Variants in GNG2 observed in about 807,000 individuals in gnomAD.
The protein encoded by GNG2 is G protein subunit gamma 2, also known as guanine nucleotide-binding protein G(I)/G(S)/G(O) subunit gamma-2.
GNG2 carries 5 observed loss-of-function variants against 5.5 expected under a neutral mutation model. The ratio of observed to expected loss-of-function variants is 0.91; its 90% CI spans 0.48 to 1.92. The LOEUF is 1.92. Ranked by LOEUF, GNG2 falls within the 30% of genes most tolerant of loss-of-function variation. The pLI is 0.01. For missense variants in GNG2, 55 were observed against 88.4 expected (o/e 0.62, Z 1.52); for synonymous variants, 28 against 32.0 (o/e 0.88, Z 0.42).
intron 1 of GNG2, among the ~76,000 whole-genome samples, chr14:51,875,939 A>ATTTTTTTTT: frequency 1.2e-5 from 1 of 83,642 alleles, no homozygotes; most frequent in African/African-American, 5.6e-5. Flanking sequence ...TCATTTAAAC[A>ATTTTTTTTT]TTTTTTTCTT....
intron 3 of GNG2, among the ~76,000 whole-genome samples, chr14:51,964,873 C>T (rs529747640): frequency 2.3e-4 from 35 of 152,272 alleles, no homozygotes; most frequent in African/African-American, 7.2e-4. Flanking sequence ...GTGGCATGCA[C>T]CTGTAGTCCC....
chr14:51,887,399 C>A (rs1005377329), intron 2 of GNG2, among the ~76,000 whole-genome samples: 44 of 152,176 alleles, frequency 2.9e-4, no homozygotes, highest in African/African-American at 8.9e-4. Context: ...ATTTTCATTT[C>A]TTTGACCCAG....
chr14:51,968,373 AAAAG>A lies in GNG2; in HGVS notation c.*1687_*1690del, dbSNP rs1890042639. 6.6e-6 allele frequency: 1 copy of A among 152,052 alleles called. No individual in the cohort carries two copies. Among genetic ancestry groups the A allele is most frequent in the South Asian group, 2.1e-4 (1 of 4,826 alleles). The allele number at this position is 152,052 out of a possible 1,614,324, so 9.4% of individuals were successfully genotyped here. On this transcript the variant is annotated 3_prime_UTR_variant, in exon 4 of 4. Transcript: ENST00000556766. The stretch of plus-strand genomic sequence containing the variant: ...CTTTCTCCTGTTTTTTTTTTAAAAA[AAAAG>A]CATGAAAAAGGAAGAGAAAAAGTTT...
intron 1 of GNG2, among the ~76,000 whole-genome samples, chr14:51,861,584 C>A (rs1032315797): frequency 6.6e-6 from 1 of 152,174 alleles, no homozygotes; most frequent in Non-Finnish European, 1.5e-5. Context: ...TGTTTCCTTA[C>A]GCGAATATCT....
At chr14:51,945,771 C>T (rs1888607742) in intron 2 of GNG2, among the ~76,000 whole-genome samples, 1 of 127,892 alleles carries the variant, frequency 7.8e-6, no homozygotes, top group Non-Finnish European at 1.7e-5. Context: ...GGGGTGTGTG[C>T]ATGTATGTGT....
intron 2 of GNG2, among the ~76,000 whole-genome samples, chr14:51,844,491 G>T (rs1881569297): frequency 6.6e-6 from 1 of 152,168 alleles, no homozygotes; most frequent in Admixed American, 6.5e-5. Context: ...AGTTGCTGGT[G>T]ACTCTGCTGT....
chr14:51,958,415 T>A lies in GNG2; in HGVS notation c.87+7650T>A, dbSNP rs559340092. On this transcript the variant is annotated intron_variant, in intron 3 of 3. Coordinates refer to ENST00000556766, the MANE Select transcript of GNG2 (RefSeq NM_053064.5). ...AGAGCTAGATAATACAGTCATACAATCAGTCTGTCTCTCTCTCTTCCGTTC... is the reference window on the plus strand; with the variant it reads ...AGAGCTAGATAATACAGTCATACAAACAGTCTGTCTCTCTCTCTTCCGTTC... 3.3e-4 allele frequency among the ~76,000 whole-genome samples: 46 copies of A among 140,944 alleles called. No homozygotes were observed. The East Asian group carries it at 8.8e-3, about 27-fold the overall frequency. The allele number at this position is 140,944 out of a possible 152,430, so 92.5% of individuals were successfully genotyped here.
At chr14:51,891,603 T>G (rs1167545476) in intron 2 of GNG2, among the ~76,000 whole-genome samples, 1 of 152,244 alleles carries the variant, frequency 6.6e-6, no homozygotes, top group Middle Eastern at 3.2e-3. Context: ...TCTGGACATT[T>G]TATTTATCAC....
chr14:51,872,067 A>T (rs1375313958), intron 1 of GNG2, among the ~76,000 whole-genome samples: 1 of 152,198 alleles, frequency 6.6e-6, no homozygotes, highest in Non-Finnish European at 1.5e-5. Flanking sequence ...CTGCACTCTT[A>T]AGCCTGGGTC....
chr14:51,846,348 C>A (rs1467263392), intron 2 of GNG2, among the ~76,000 whole-genome samples: 1 of 151,984 alleles, frequency 6.6e-6, no homozygotes, highest in East Asian at 1.9e-4. Context: ...GTTATGAAAA[C>A]CATATAAACC....
intron 2 of GNG2, among the ~76,000 whole-genome samples, chr14:51,899,686 C>A (rs994384136): frequency 5.3e-5 from 8 of 152,210 alleles, no homozygotes; most frequent in African/African-American, 1.7e-4. Context: ...GCCCTCCCCC[C>A]AGTCCCTGGC....
intron 3 of GNG2, among the ~76,000 whole-genome samples, chr14:51,951,060 G>A (rs952305425): frequency 6.6e-5 from 10 of 152,042 alleles, no homozygotes; most frequent in South Asian, 2.1e-4. Flanking sequence ...ATATATCAGC[G>A]CACTAGTTCC....
intron 1 of GNG2, among the ~76,000 whole-genome samples, chr14:51,866,615 A>G (rs1263852078): frequency 6.6e-6 from 1 of 152,182 alleles, no homozygotes; most frequent in Non-Finnish European, 1.5e-5. Context: ...TCCAAGATCA[A>G]GGTACTGGCA....
At chr14:51,943,247 G>C (rs1888451108) in intron 2 of GNG2, among the ~76,000 whole-genome samples, 1 of 152,080 alleles carries the variant, frequency 6.6e-6, no homozygotes, top group Non-Finnish European at 1.5e-5. Context: ...TTAACCAAAA[G>C]GTTTTTTGTT....
At chr14:51,938,123 A>G (rs947289118) in intron 2 of GNG2, among the ~76,000 whole-genome samples, 2 of 152,202 alleles carry the variant, frequency 1.3e-5, no homozygotes, top group African/African-American at 2.4e-5. Context: ...TGAATTTTAA[A>G]CCGCAATTTA....
At chr14:51,952,933 C>G (rs1036575167) in intron 3 of GNG2, among the ~76,000 whole-genome samples, 1 of 152,116 alleles carries the variant, frequency 6.6e-6, no homozygotes, top group African/African-American at 2.4e-5. Flanking sequence ...AAATTCAGGC[C>G]CTTTAGCAGT....
chr14:51,925,313 T>A (rs1331866909), intron 2 of GNG2, among the ~76,000 whole-genome samples: 1 of 152,198 alleles, frequency 6.6e-6, no homozygotes, highest in Non-Finnish European at 1.5e-5. Context: ...ATATGTCAGT[T>A]AAAATTTTTC....
intron 2 of GNG2, among the ~76,000 whole-genome samples, chr14:51,948,629 TGA>T (rs1403668830): frequency 2.6e-5 from 4 of 152,206 alleles, no homozygotes; most frequent in African/African-American, 9.6e-5. Flanking sequence ...AATTTCCCTG[TGA>T]GGCTGCGATG....
At position 51,911,613 on chromosome 14, in the gene GNG2, A is replaced by G. The variant is rs929168945; in HGVS notation, c.-30+33956A>G. Among the ~76,000 whole-genome samples, 10 of 151,378 alleles carry G rather than the reference A, an allele frequency of 6.6e-5. 2 individuals are homozygous for G. The highest frequency in any genetic ancestry group is 2.4e-4 in the African/African-American group (10 of 41,098). ...AGCTGGGGTACAGTGGTGCTATCAT[A>G]GTTCACTGTAACCTCTAACTCTTGG... On this transcript the variant is annotated intron_variant, in intron 2 of 3. Coordinates refer to ENST00000556766, the MANE Select transcript of GNG2 (RefSeq NM_053064.5).
Sources: gnomAD v4.1 joint callset for allele counts (sites outside exome capture counted in the v4.1 genomes callset) on GRCh38, gnomAD v4.1.1 for gene constraint, MANE v1.5 for transcripts, NCBI Gene and HGNC (gene_info 2026-07-23, HGNC 2026-07-21) for gene names.